MAP2K5: variants seen among roughly 807,000 people sequenced by gnomAD.
MAP2K5 encodes dual specificity mitogen-activated protein kinase kinase 5.
Under a neutral mutation model 83.1 loss-of-function variants are expected in MAP2K5, and 49 were observed. The observed-to-expected ratio is 0.59, with a 90% CI of 0.47 to 0.75. MAP2K5 has a LOEUF of 0.75. Ranked by LOEUF, MAP2K5 falls within the 30% of genes least tolerant of loss-of-function variation. The pLI, the probability that MAP2K5 is intolerant of heterozygous loss-of-function variation, is 0.00. For synonymous variants in MAP2K5, 202 were observed against 191.8 expected (o/e 1.05, Z -0.44); for missense variants, 457 against 557.5 (o/e 0.82, Z 1.82).
chr15:67,788,250 C>G (rs1056773040), intron 21 of MAP2K5, among the ~76,000 whole-genome samples: 3 of 152,090 alleles, frequency 2.0e-5, no homozygotes, highest in Admixed American at 6.5e-5. Context: ...GCCTTCTCCC[C>G]TTTTTTTTAT....
rs780240732 is a variant in MAP2K5 at position 67,720,699 on chromosome 15, G to C, written c.1045-7217G>C. Among the ~76,000 whole-genome samples the C allele has an allele frequency of 6.6e-6, 1 of 152,100 alleles. No homozygotes were observed. The highest frequency in any genetic ancestry group is 1.5e-5 in the Non-Finnish European group (1 of 68,012). On this transcript the variant is annotated intron_variant, in intron 16 of 21. Coordinates refer to ENST00000178640, the MANE Select transcript of MAP2K5 (RefSeq NM_145160.3). This position sits in a 1 kb window ranked among gnomAD's most constrained non-coding sequence, Gnocchi z 5.7. Reference sequence around the variant, plus strand: ...AAATGAGGAAGTTGCCTTGCAGAGCGCTATCAATCACTCAGTGACCATAAC... The same window carrying C: ...AAATGAGGAAGTTGCCTTGCAGAGCCCTATCAATCACTCAGTGACCATAAC...
intron 17 of MAP2K5, among the ~76,000 whole-genome samples, chr15:67,731,300 G>A (rs1416572624): frequency 1.3e-5 from 2 of 152,148 alleles, no homozygotes; most frequent in South Asian, 2.1e-4. Context: ...CAGTGAGGTC[G>A]CAGAGAGGGA....
intron 13 of MAP2K5, among the ~76,000 whole-genome samples, chr15:67,689,834 T>G (rs1217602467): frequency 6.6e-6 from 1 of 152,222 alleles, no homozygotes; most frequent in Non-Finnish European, 1.5e-5. Flanking sequence ...AGGCAGCACC[T>G]TCTTCCAGGA....
intron 15 of MAP2K5, among the ~76,000 whole-genome samples, chr15:67,696,936 A>C (rs1359377456): frequency 6.6e-6 from 1 of 152,186 alleles, no homozygotes; most frequent in Non-Finnish European, 1.5e-5. Context: ...CTGAGATCGC[A>C]CCATTGCACT....
intron 8 of MAP2K5, chr15:67,629,093 T>C (rs901046803): frequency 2.0e-5 from 15 of 735,248 alleles, no homozygotes; most frequent in Non-Finnish European, 3.3e-5. Flanking sequence ...GCCATGGCGG[T>C]TCCAGTAGCA....
In MAP2K5 at chr15:67,720,784, C is replaced by T. The variant is rs149269993; in HGVS notation, c.1045-7132C>T. ...TCAGTGGCTCGAAAGCACATATGCT[C>T]CAGTCACAGCTAAACTTTGCTGGAG... On this transcript the variant is annotated intron_variant, in intron 16 of 21. Coordinates refer to ENST00000178640, the MANE Select transcript of MAP2K5 (RefSeq NM_145160.3). This position sits in a 1 kb window ranked among gnomAD's most constrained non-coding sequence, Gnocchi z 5.7. 5.3e-5 allele frequency among the ~76,000 whole-genome samples: 8 copies of T among 152,174 alleles called. No individual in the cohort carries two copies. Among genetic ancestry groups the T allele is most frequent in the African/African-American group, 1.9e-4 (8 of 41,444 alleles).
In MAP2K5 at chr15:67,764,622, A is replaced by C. The variant is rs190401830; in HGVS notation, c.1135-4980A>C. ...TCAGCCATTCCACAATGCCAGGCTC[A>C]TTGCGTTCCACATGGTAGATGCCCA... is the stretch of plus-strand genomic sequence containing the variant. On this transcript the variant is annotated intron_variant, in intron 19 of 21. Coordinates refer to ENST00000178640, the MANE Select transcript of MAP2K5 (RefSeq NM_145160.3). The surrounding 1 kb of genome is among the most constrained non-coding windows in gnomAD (Gnocchi z 4.9). Among the ~76,000 whole-genome samples the C allele has an allele frequency of 2.0e-5, 3 of 152,360 alleles. No individual in the cohort carries two copies. Among genetic ancestry groups the C allele is most frequent in the Non-Finnish European group, 4.4e-5 (3 of 68,034 alleles).
At chr15:67,550,694 C>T (rs564928712) in intron 2 of MAP2K5, among the ~76,000 whole-genome samples, 4 of 150,174 alleles carry the variant, frequency 2.7e-5, no homozygotes, top group South Asian at 2.1e-4. Context: ...CATAAGGGCC[C>T]GGATGCTGAG....
chr15:67,746,907 A>G lies in MAP2K5; in HGVS notation c.1075-1324A>G, dbSNP rs1365604959. ...GGATGCAAAAGAAATGCATAAACAT[A>G]GCTGCAGCTCTTGAGAAACTCACAG... is the stretch of plus-strand genomic sequence containing the variant. On this transcript the variant is annotated intron_variant, in intron 17 of 21. Coordinates refer to ENST00000178640, the MANE Select transcript of MAP2K5 (RefSeq NM_145160.3). This position sits in a 1 kb window ranked among gnomAD's most constrained non-coding sequence, Gnocchi z 4.1. 2.0e-5 allele frequency among the ~76,000 whole-genome samples: 3 copies of G among 152,252 alleles called. No homozygotes were observed. Among genetic ancestry groups the G allele is most frequent in the Non-Finnish European group, 4.4e-5 (3 of 68,038 alleles).
intron 11 of MAP2K5, among the ~76,000 whole-genome samples, chr15:67,654,716 ACTT>A (rs975814694): frequency 6.6e-6 from 1 of 152,124 alleles, no homozygotes; most frequent in Non-Finnish European, 1.5e-5. Flanking sequence ...ATTACAATTA[ACTT>A]CTTAACTTAT....
In MAP2K5 at chr15:67,786,732, C is replaced by T. The variant is rs908395891; in HGVS notation, c.1242+13980C>T. Among the ~76,000 whole-genome samples the T allele has an allele frequency of 4.6e-5, 7 of 152,220 alleles. No homozygotes were observed. The highest frequency in any genetic ancestry group is 1.4e-4 in the African/African-American group (6 of 41,444). On this transcript the variant is annotated intron_variant, in intron 21 of 21. Transcript: ENST00000178640. This position sits in a 1 kb window ranked among gnomAD's most constrained non-coding sequence, Gnocchi z 4.7. ...GTCCATCCTGCAACATGTTACTGAA[C>T]GCTCTCCACCTCTAGTTGCTTATCT... is the stretch of plus-strand genomic sequence containing the variant.
chr15:67,574,025 TC>T (rs2085001576), intron 3 of MAP2K5, among the ~76,000 whole-genome samples: 1 of 152,244 alleles, frequency 6.6e-6, no homozygotes, highest in African/African-American at 2.4e-5. Flanking sequence ...TCCTTTACTT[TC>T]TTAATAAACT....
chr15:67,726,502 C>T (rs369184365), intron 16 of MAP2K5, among the ~76,000 whole-genome samples: 31 of 152,290 alleles, frequency 2.0e-4, no homozygotes, highest in African/African-American at 7.5e-4. Flanking sequence ...AATAGGTATT[C>T]TGTTAATTGA....
At chr15:67,633,899 GTTAT>G (rs748715218) in intron 9 of MAP2K5, among the ~76,000 whole-genome samples, 5 of 152,128 alleles carry the variant, frequency 3.3e-5, no homozygotes, top group Non-Finnish European at 5.9e-5. Flanking sequence ...TTAGAAGTGT[GTTAT>G]TTAGTTTCCA....
chr15:67,696,459 C>G (rs760896804), intron 15 of MAP2K5, among the ~76,000 whole-genome samples: 1 of 152,014 alleles, frequency 6.6e-6, no homozygotes, highest in African/African-American at 2.4e-5. Context: ...GACCCTTTAC[C>G]GAAAAAGTTT....
intron 17 of MAP2K5, among the ~76,000 whole-genome samples, chr15:67,739,093 A>G (rs1175752740): frequency 2.6e-5 from 4 of 152,046 alleles, no homozygotes; most frequent in Admixed American, 2.0e-4. Flanking sequence ...CAGCCTGGGC[A>G]ACACAGGGAG....
intron 17 of MAP2K5, among the ~76,000 whole-genome samples, chr15:67,730,839 C>G (rs527440869): frequency 6.6e-6 from 1 of 152,274 alleles, no homozygotes; most frequent in African/African-American, 2.4e-5. Context: ...GGAAGGAGCC[C>G]TGGACCATGA....
chr15:67,710,194 C>A (rs960249304), intron 16 of MAP2K5, among the ~76,000 whole-genome samples: 1 of 152,202 alleles, frequency 6.6e-6, no homozygotes, highest in African/African-American at 2.4e-5. Flanking sequence ...ATAGCATACG[C>A]ATTTTGCTCT....
At position 67,698,432 on chromosome 15, in the gene MAP2K5, C is replaced by A. The variant is rs1186462021; in HGVS notation, c.972+4864C>A. Among the ~76,000 whole-genome samples, 2 of 152,120 alleles carry A rather than the reference C, an allele frequency of 1.3e-5. No individual in the cohort carries two copies. The highest frequency in any genetic ancestry group is 4.8e-5 in the African/African-American group (2 of 41,416). ...CTCGAACTCCTGGCCTCAAGTGATC[C>A]ACCCTCCTTGGCCTCCCAAAGTGCT... On this transcript the variant is annotated intron_variant, in intron 15 of 21. Coordinates refer to ENST00000178640, the MANE Select transcript of MAP2K5 (RefSeq NM_145160.3). This position sits in a 1 kb window ranked among gnomAD's most constrained non-coding sequence, Gnocchi z 4.5.
Sources: gnomAD v4.1 joint callset for allele counts (sites outside exome capture counted in the v4.1 genomes callset) on GRCh38, gnomAD v4.1.1 for gene constraint, Gnocchi (gnomAD v3.1) non-coding constraint, MANE v1.5 for transcripts, NCBI Gene and HGNC (gene_info 2026-07-23, HGNC 2026-07-21) for gene names.